The following IPO5 variants were observed in gnomAD, a reference collection of about 807,000 sequenced individuals.
IPO5 encodes importin-5.
Under a neutral mutation model 143.3 loss-of-function variants are expected in IPO5, and 18 were observed. That is an observed-to-expected ratio of 0.13 (90% CI 0.09 to 0.19). IPO5 has a LOEUF of 0.19. IPO5 is among the 10% of genes least tolerant of loss of function. The pLI is 1.00. For synonymous variants in IPO5, 477 were observed against 465.7 expected (o/e 1.02, Z -0.31); for missense variants, 1,013 against 1,336.9 (o/e 0.76, Z 3.78).
At chr13:98,000,227 G>C (rs12871073) in intron 12 of IPO5, among the ~76,000 whole-genome samples, 3,544 of 152,126 alleles carry the variant, frequency 0.023, 59 homozygotes, top group Admixed American at 0.035. Flanking sequence ...GGAGCTTGCA[G>C]TGAGCCGAGA....
At chr13:97,998,620 G>A (rs1383893952) in intron 12 of IPO5, among the ~76,000 whole-genome samples, 1 of 152,166 alleles carries the variant, frequency 6.6e-6, no homozygotes, top group East Asian at 1.9e-4. Context: ...TATTCACTGT[G>A]CAGTAGTAAT....
rs182742395 is a variant in IPO5, at chr13:97,978,943, T to A, written c.90+2157T>A. Among the ~76,000 whole-genome samples the A allele has an allele frequency of 1.3e-3, 202 of 152,342 alleles. 1 individual carries two copies. Among genetic ancestry groups the A allele is most frequent in the Non-Finnish European group, 2.0e-3 (137 of 68,030 alleles). On this transcript the variant is annotated intron_variant, in intron 4 of 28. Transcript: ENST00000651721. ...ATTCTCTTAGTCTCTTTATTCCTAG[T>A]GAAAACATTCAGATACTAGGTTTTT...
Position 98,024,071 on chromosome 13 carries a change from G to A in IPO5, c.*2249G>A, listed in dbSNP as rs1165543805. 1.3e-5 allele frequency: 2 copies of A among 152,130 alleles called. No individual in the cohort carries two copies. Among genetic ancestry groups the A allele is most frequent in the Non-Finnish European group, 2.9e-5 (2 of 68,034 alleles). The allele number at this position is 152,130 out of a possible 1,614,324, so 9.4% of individuals were successfully genotyped here. On this transcript the variant is annotated 3_prime_UTR_variant, in exon 29 of 29. Transcript: ENST00000651721. ...TTTCTGGAGGGGAAAAATGTGTGTGGCTCTTACGTTTTCTGGGAATTTTGT... is the reference window on the plus strand; with the variant it reads ...TTTCTGGAGGGGAAAAATGTGTGTGACTCTTACGTTTTCTGGGAATTTTGT...
chr13:97,986,096 C>G (rs1887318545), intron 6 of IPO5, among the ~76,000 whole-genome samples: 2 of 150,438 alleles, frequency 1.3e-5, no homozygotes, highest in Non-Finnish European at 3.0e-5. Context: ...GCCTGGGCAA[C>G]AAAGCAAGAC....
At chr13:97,981,389 CTA>C (rs1472184621) in intron 4 of IPO5, 2 of 381,764 alleles carry the variant, frequency 5.2e-6, no homozygotes, top group Admixed American at 7.2e-5. Flanking sequence ...TATTCATTGT[CTA>C]TGATCTTAGG....
At chr13:97,979,012 G>A (rs1398456671) in intron 4 of IPO5, among the ~76,000 whole-genome samples, 1 of 152,126 alleles carries the variant, frequency 6.6e-6, no homozygotes, top group Non-Finnish European at 1.5e-5. Flanking sequence ...TGTAAACTAA[G>A]TACTGTGATA....
At position 98,003,038 on chromosome 13, in the gene IPO5, G is replaced by GT. The variant is rs765837964; in HGVS notation, c.1497+2dup. On this transcript the variant is annotated splice_donor_variant, in intron 16 of 28. Transcript: ENST00000651721. LOFTEE classifies it high-confidence loss of function. ...CATTATGGTACTGAAGCTTCAAGAG[G>GT]TAAGTTTTAAGATCTGTAGGCTGCT... is the stretch of plus-strand genomic sequence containing the variant. 1 of 1,603,132 alleles carries GT rather than the reference G, an allele frequency of 6.2e-7. No individual in the cohort carries two copies. The highest frequency in any genetic ancestry group is 8.5e-7 in the Non-Finnish European group (1 of 1,175,314).
intron 3 of IPO5, among the ~76,000 whole-genome samples, chr13:97,971,320 G>A (rs993185364): frequency 3.3e-5 from 5 of 152,170 alleles, no homozygotes; most frequent in Non-Finnish European, 7.3e-5. Context: ...CCTGGCTGAG[G>A]TGCACTGACT....
At chr13:98,011,446 A>G (rs1889708910) in intron 20 of IPO5, among the ~76,000 whole-genome samples, 2 of 152,038 alleles carry the variant, frequency 1.3e-5, no homozygotes, top group African/African-American at 4.8e-5. Context: ...GCACGCCACC[A>G]TGCCTGGCTA....
intron 9 of IPO5, among the ~76,000 whole-genome samples, chr13:97,991,954 A>G (rs1887838971): frequency 6.6e-6 from 1 of 152,242 alleles, no homozygotes; most frequent in African/African-American, 2.4e-5. Flanking sequence ...TCGTGTGACC[A>G]TCAAGAAATA....
chr13:97,983,537 A>AGCC (rs1887035838), intron 5 of IPO5, among the ~76,000 whole-genome samples: 3 of 99,550 alleles, frequency 3.0e-5, no homozygotes, highest in African/African-American at 1.1e-4. Flanking sequence ...AGCTAATTCC[A>AGCC]CCCCCCCCCC....
intron 2 of IPO5, among the ~76,000 whole-genome samples, chr13:97,962,429 C>T (rs575912740): frequency 6.6e-6 from 1 of 152,280 alleles, no homozygotes; most frequent in East Asian, 1.9e-4. Flanking sequence ...CATTCTAACG[C>T]ATGTGGATAT....
chr13:98,002,805 G>A (rs755158443), intron 15 of IPO5, 32 bp downstream of exon 15: 2 of 1,596,264 alleles, frequency 1.3e-6, no homozygotes, highest in African/African-American at 1.3e-5. Flanking sequence ...ACTTAAATCA[G>A]ACTTTAGGAA....
At chr13:97,987,882 A>T (rs1445961289) in intron 6 of IPO5, 1 of 193,658 alleles carries the variant, frequency 5.2e-6, no homozygotes, top group Non-Finnish European at 1.1e-5. Context: ...GTTATAGGTG[A>T]CATCATTTCT....
At chr13:98,000,518 T>C (rs773719142) in intron 12 of IPO5, 21 bp from the exon 13 acceptor site, 1 of 1,504,156 alleles carries the variant, frequency 6.6e-7, no homozygotes. Flanking sequence ...ATTGAGTACA[T>C]AATTCTGTTT....
intron 22 of IPO5, 96 bp downstream of exon 22, chr13:98,014,310 C>G (rs1232045196): frequency 3.4e-6 from 3 of 872,516 alleles, no homozygotes; most frequent in South Asian, 3.6e-5. Context: ...CAGGGTATTG[C>G]TCTGTCACCC....
chr13:97,977,306 T>A (rs1886458993), intron 4 of IPO5, among the ~76,000 whole-genome samples: 1 of 152,216 alleles, frequency 6.6e-6, no homozygotes, highest in Non-Finnish European at 1.5e-5. Flanking sequence ...CCCTGCCTTG[T>A]CCCTACTGCC....
chr13:97,979,897 A>T (rs772288972), intron 4 of IPO5: 1 of 456,620 alleles, frequency 2.2e-6, no homozygotes, highest in Non-Finnish European at 4.4e-6. Flanking sequence ...CCAGGGTGTT[A>T]ATAGATAAAA....
chr13:98,010,372 T>C (rs762339080), intron 20 of IPO5, 148 bp downstream of exon 20: 4 of 751,300 alleles, frequency 5.3e-6, no homozygotes, highest in Non-Finnish European at 6.3e-6. Flanking sequence ...TTTAAAGAAA[T>C]CGTATGGATA....
Sources: gnomAD v4.1 joint callset for allele counts (sites outside exome capture counted in the v4.1 genomes callset) on GRCh38, gnomAD v4.1.1 for gene constraint, MANE v1.5 for transcripts, NCBI Gene and HGNC (gene_info 2026-07-23, HGNC 2026-07-21) for gene names.